Variants in TTR observed in about 807,000 individuals in gnomAD.
TTR encodes epididymis luminal protein 111.
A neutral mutation model predicts 13.7 loss-of-function variants in TTR; 8 were observed. The observed-to-expected ratio is 0.58, with a 90% CI of 0.34 to 1.05. The LOEUF is 1.05. TTR is among the 50% of genes least tolerant of loss of function. The pLI, the probability that TTR is intolerant of heterozygous loss-of-function variation, is 0.02. For missense variants in TTR, 135 were observed against 185.5 expected, an observed-to-expected ratio of 0.73 and a Z score of 1.58; for synonymous variants, 75 against 71.7, an observed-to-expected ratio of 1.05 and a Z score of -0.23.
intron 3 of TTR, chr18:31,595,582 GTGTA>G: frequency 2.4e-6 from 1 of 416,998 alleles, no homozygotes; most frequent in South Asian, 1.9e-5. Context: ...CCCACGTAGA[GTGTA>G]TGTAACAAGA....
intron 2 of TTR, among the ~76,000 whole-genome samples, chr18:31,594,141 G>C (rs1156564261): frequency 6.7e-6 from 1 of 148,476 alleles, no homozygotes; most frequent in South Asian, 2.1e-4. Context: ...CTTGCACCAG[G>C]ACAAAAAAAA....
At chr18:31,593,654 A>C (rs984751992) in intron 2 of TTR, 1 of 152,768 alleles carries the variant, frequency 6.5e-6, no homozygotes, top group Non-Finnish European at 1.5e-5. Flanking sequence ...AAAAGATAGA[A>C]GAGATGGATC....
At position 31,598,580 on chromosome 18, in the gene TTR, G is replaced by T. The variant is rs267607161; in HGVS notation, c.349G>T (p.Ala117Ser). 1 of 1,613,960 alleles carries T rather than the reference G, an allele frequency of 6.2e-7. No individual in the cohort carries two copies. Among genetic ancestry groups the T allele is most frequent in the East Asian group, 2.2e-5 (1 of 44,890 alleles). ...FHEHAEVVFT[A>S]NDSGPRRYTI... ...TCTTCTCTCATAGGTGGTATTCACA[G>T]CCAACGACTCCGGCCCCCGCCGCTA... Residue 117 changes from alanine to serine, a missense_variant, in exon 4 of 4, where the codon GCC (alanine) becomes TCC (serine). Physicochemically the swap from Ala to Ser is moderately conservative, Grantham distance 99. Coordinates refer to ENST00000237014, the MANE Select transcript of TTR (RefSeq NM_000371.4).
intron 2 of TTR, among the ~76,000 whole-genome samples, chr18:31,594,260 A>T (rs2073504096): frequency 6.6e-6 from 1 of 152,356 alleles, no homozygotes; most frequent in East Asian, 1.9e-4. Flanking sequence ...AATTTCCAAC[A>T]TTCAACTATG....
At chr18:31,596,313 C>T (rs1182717208) in intron 3 of TTR, 1 of 153,508 alleles carries the variant, frequency 6.5e-6, no homozygotes, top group African/African-American at 2.4e-5. Context: ...ACAATGTTAC[C>T]AGGGAAACAA....
chr18:31,593,821 G>A (rs72922947), intron 2 of TTR, among the ~76,000 whole-genome samples: 1,738 of 152,232 alleles, frequency 0.011, 18 homozygotes, highest in Non-Finnish European at 0.014. Context: ...ATAAATCTAA[G>A]CAAAGTGACC....
chr18:31,596,427 C>T (rs557948638), intron 3 of TTR, among the ~76,000 whole-genome samples: 3 of 152,164 alleles, frequency 2.0e-5, no homozygotes, highest in South Asian at 2.1e-4. Flanking sequence ...GACATGGACC[C>T]CAGTCAGGGC....
chr18:31,594,894 T>C lies in TTR; in HGVS notation c.201-226T>C, dbSNP rs192757099. Among the ~76,000 whole-genome samples, 33 of 152,232 alleles carry C rather than the reference T, an allele frequency of 2.2e-4. 1 individual carries two copies. In the South Asian group the frequency reaches 4.2e-3, roughly 19 times the overall value. On this transcript the variant is annotated intron_variant, in intron 2 of 3. Transcript: ENST00000237014. Reference sequence around the variant, plus strand: ...AAAAAAAATTATACCTACATTCTCTTCTTATCAGAGAAAAAAATCTACAGT... The same window carrying C: ...AAAAAAAATTATACCTACATTCTCTCCTTATCAGAGAAAAAAATCTACAGT...
Position 31,595,224 on chromosome 18 carries a change from T to C in TTR, c.305T>C (p.Leu102Pro), listed in dbSNP as rs1356542149. ...GACACCAAATCTTACTGGAAGGCAC[T>C]TGGCATCTCCCCATTCCATGAGCAT... Reference protein sequence around the residue: ...EIDTKSYWKALGISPFHEHAE... With the variant: ...EIDTKSYWKAPGISPFHEHAE... Residue 102 changes from leucine (L) to proline (P), a missense_variant, in exon 3 of 4, where the codon CTT becomes CCT. Leu to Pro is a moderately conservative substitution (Grantham distance 98). Coordinates refer to ENST00000237014, the MANE Select transcript of TTR (RefSeq NM_000371.4). The C allele has an allele frequency of 6.2e-7, 1 of 1,614,164 alleles. No individual in the cohort carries two copies. Among genetic ancestry groups the C allele is most frequent in the Non-Finnish European group, 8.5e-7 (1 of 1,180,024 alleles).
chr18:31,597,847 A>G (rs990401017), intron 3 of TTR, among the ~76,000 whole-genome samples: 5 of 152,212 alleles, frequency 3.3e-5, no homozygotes, highest in Non-Finnish European at 7.4e-5. Flanking sequence ...CAATTTGCCC[A>G]GTTACAAAGC....
At chr18:31,596,169 A>G (rs2073515693) in intron 3 of TTR, 1 of 154,562 alleles carries the variant, frequency 6.5e-6, no homozygotes, top group South Asian at 2.0e-4. Flanking sequence ...TGTCATGGAA[A>G]TAGAATCCAG....
chr18:31,593,975 A>G (rs1314979187), intron 2 of TTR, among the ~76,000 whole-genome samples: 6 of 152,182 alleles, frequency 3.9e-5, no homozygotes, highest in Non-Finnish European at 7.4e-5. Context: ...TGGGAAGATC[A>G]TTTTCTTAGG....
At chr18:31,595,675 G>A (rs911450444) in intron 3 of TTR, 6 of 360,024 alleles carry the variant, frequency 1.7e-5, no homozygotes, top group Non-Finnish European at 3.2e-5. Flanking sequence ...GTCTGGACAA[G>A]TGATTCTTGG....
At chr18:31,596,368 C>T (rs1228572674) in intron 3 of TTR, among the ~76,000 whole-genome samples, 1 of 152,080 alleles carries the variant, frequency 6.6e-6, no homozygotes, top group African/African-American at 2.4e-5. Context: ...AACAAGAGAG[C>T]CCCATCTACC....
intron 1 of TTR, 31 bp downstream of exon 1, chr18:31,592,002 A>T: frequency 6.2e-7 from 1 of 1,612,228 alleles, no homozygotes; most frequent in Non-Finnish European, 8.5e-7. Flanking sequence ...CCATTCCTAC[A>T]TTTAAGATTC....
At chr18:31,593,078 C>T in intron 2 of TTR, 52 bp downstream of exon 2, 1 of 1,610,124 alleles carries the variant, frequency 6.2e-7, no homozygotes, top group South Asian at 1.1e-5. Flanking sequence ...TTCCCGTTTG[C>T]CCCTCACTTG....
intron 2 of TTR, among the ~76,000 whole-genome samples, 168 bp from the exon 3 acceptor site, chr18:31,594,952 C>T (rs1280604015): frequency 6.6e-6 from 1 of 152,008 alleles, no homozygotes. Context: ...AAACTTTTTG[C>T]CATTTAATTT....
chr18:31,595,504 A>T (rs2073512677), intron 3 of TTR: 1 of 613,516 alleles, frequency 1.6e-6, no homozygotes, highest in Admixed American at 2.1e-5. Flanking sequence ...TAGTCTATTC[A>T]TTCCACTTTA....
intron 3 of TTR, 128 bp downstream of exon 3, chr18:31,595,383 C>T: frequency 7.5e-7 from 1 of 1,329,088 alleles, no homozygotes; most frequent in Non-Finnish European, 1.1e-6. Context: ...CCAAAGGTTC[C>T]CTTTCCTATT....
Sources: gnomAD v4.1 joint callset for allele counts (sites outside exome capture counted in the v4.1 genomes callset) on GRCh38, gnomAD v4.1.1 for gene constraint, MANE v1.5 for transcripts, NCBI Gene and HGNC (gene_info 2026-07-23, HGNC 2026-07-21) for gene names.